GREB1: variants seen among roughly 807,000 people sequenced by gnomAD.
GREB1 encodes the protein protein GREB1.
A neutral mutation model predicts 200.7 loss-of-function variants in GREB1; 106 were observed. The ratio of observed to expected loss-of-function variants is 0.53; its 90% CI spans 0.45 to 0.62. The LOEUF is 0.62. GREB1 is among the 20% of genes least tolerant of loss of function. The probability of loss-of-function intolerance (pLI) is 0.00; values close to 1 mark genes in which losing one functional copy is unlikely to be tolerated. For missense variants in GREB1, 2,243 were observed against 2,556.8 expected (o/e 0.88, Z 2.65); for synonymous variants, 1,132 against 1,092.4 (o/e 1.04, Z -0.72).
intron 1 of GREB1, among the ~76,000 whole-genome samples, chr2:11,507,886 G>C (rs557095127): frequency 3.7e-4 from 57 of 152,274 alleles, no homozygotes; most frequent in African/African-American, 1.3e-3. Flanking sequence ...GCCTTTTCCT[G>C]AGTTATTTTA....
chr2:11,510,690 T>TTTTA (rs1673324345), intron 1 of GREB1, among the ~76,000 whole-genome samples: 1 of 3,092 alleles, frequency 3.2e-4, no homozygotes, highest in African/African-American at 3.6e-4. Context: ...ACATATGGAT[T>TTTTA]TTTTTTTTTT....
chr2:11,588,753 G>A lies in GREB1; in HGVS notation c.1167G>A (p.Gly389=), dbSNP rs929869142. The A allele has an allele frequency of 1.9e-6, 3 of 1,614,168 alleles. No individual in the cohort carries two copies. Among genetic ancestry groups the A allele is most frequent in the Non-Finnish European group, 1.7e-6 (2 of 1,179,986 alleles). ...KAKPVIFKGH[G]NFPYLCGNLN... ...GCTGCTGTTCCTCTGCAGGCCATGG[G>A]AACTTCCCTTACCTCTGTGGGAACC... is the stretch of plus-strand genomic sequence containing the variant. The change falls in exon 10 of 33, where the codon GGG becomes GGA. Residue 389 remains glycine, a synonymous_variant. Coordinates refer to ENST00000381486, the MANE Select transcript of GREB1 (RefSeq NM_014668.4).
intron 5 of GREB1, among the ~76,000 whole-genome samples, chr2:11,577,100 T>C (rs1678940612): frequency 6.6e-6 from 1 of 151,652 alleles, no homozygotes; most frequent in African/African-American, 2.4e-5. Flanking sequence ...GTGCATTACC[T>C]CCTATGGCAA....
At chr2:11,587,880 A>G (rs1680323640) in intron 9 of GREB1, 1 of 1,001,156 alleles carries the variant, frequency 1.0e-6, no homozygotes, top group East Asian at 1.0e-4. Flanking sequence ...TGGTGGAAAG[A>G]TATTTGAACC....
intron 1 of GREB1, among the ~76,000 whole-genome samples, chr2:11,513,350 A>AATCAAAGG (rs1236207716): frequency 1.3e-5 from 2 of 152,206 alleles, no homozygotes; most frequent in African/African-American, 4.8e-5. Flanking sequence ...TCAATCCCAG[A>AATCAAAGG]ATCAAAGGAT....
chr2:11,503,793 G>C (rs978179151), intron 1 of GREB1, among the ~76,000 whole-genome samples: 5 of 152,136 alleles, frequency 3.3e-5, no homozygotes, highest in African/African-American at 1.2e-4. Flanking sequence ...TAACCTTCCT[G>C]TTTATTGCAT....
chr2:11,521,468 T>C, intron 1 of GREB1, among the ~76,000 whole-genome samples: 1 of 152,190 alleles, frequency 6.6e-6, no homozygotes, highest in East Asian at 1.9e-4. Context: ...AAAATTGGCA[T>C]GTGTGAATTT....
At chr2:11,558,825 G>C (rs1267752001) in intron 2 of GREB1, among the ~76,000 whole-genome samples, 3 of 152,130 alleles carry the variant, frequency 2.0e-5, no homozygotes, top group African/African-American at 7.2e-5. Context: ...TGACCAGGGT[G>C]CTGGTATACT....
At chr2:11,507,476 G>A (rs769497548) in intron 1 of GREB1, among the ~76,000 whole-genome samples, 5 of 151,784 alleles carry the variant, frequency 3.3e-5, no homozygotes, top group Non-Finnish European at 7.4e-5. Flanking sequence ...AAGTGGCCCT[G>A]TAGTGACTGC....
rs370772266 is a variant in GREB1, at chr2:11,610,854, G to T, written c.2833G>T (p.Gly945Cys). ...CAACTCCCCGAAGCAGTGCCCCTGC[G>T]GCCACGGGCTCATGGTCCTGCTGCG... ...LLNSPKQCPC[G>C]HGLMVLLRVP... The change falls in exon 18 of 33, where the codon GGC becomes TGC. Residue 945 changes from glycine (G) to cysteine (C), a missense_variant. Gly to Cys is a radical substitution (Grantham distance 159, BLOSUM62 -3). This residue lies in a region of GREB1 where 1,178 missense variants were observed against 1,387.4 expected (regional missense o/e 0.85). Transcript: ENST00000381486. The T allele has an allele frequency of 6.2e-7, 1 of 1,613,222 alleles. No homozygotes were observed. The highest frequency in any genetic ancestry group is 2.2e-5 in the East Asian group (1 of 44,904).
At chr2:11,622,473 A>G (rs1025794415) in intron 23 of GREB1, among the ~76,000 whole-genome samples, 2 of 152,230 alleles carry the variant, frequency 1.3e-5, no homozygotes, top group African/African-American at 4.8e-5. Context: ...CATGTATTTA[A>G]TATAATCAAC....
At chr2:11,523,364 G>A (rs1453567661) in intron 1 of GREB1, among the ~76,000 whole-genome samples, 2 of 151,914 alleles carry the variant, frequency 1.3e-5, no homozygotes, top group African/African-American at 2.4e-5. Context: ...ACCTGCACAC[G>A]CACCCTAAAC....
intron 15 of GREB1, among the ~76,000 whole-genome samples, 171 bp from the exon 16 acceptor site, chr2:11,600,629 C>T (rs1572878614): frequency 6.6e-6 from 1 of 152,230 alleles, no homozygotes; most frequent in East Asian, 1.9e-4. Context: ...CCCCTGACAG[C>T]TACCTGAAGT....
chr2:11,534,669 G>A (rs928927830), intron 1 of GREB1, among the ~76,000 whole-genome samples: 1 of 152,202 alleles, frequency 6.6e-6, no homozygotes, highest in Admixed American at 6.5e-5. Flanking sequence ...TGATTGGGTT[G>A]GTTGGGAAAC....
rs1408866404 is a variant in GREB1, at chr2:11,641,483, G to GTTTTGTTTTGTT, written c.*1032_*1043dup. On this transcript the variant is annotated 3_prime_UTR_variant, in exon 33 of 33. Transcript: ENST00000381486. The stretch of plus-strand genomic sequence containing the variant: ...TGACAGAATGGTTTTGTTTTGTTTT[G>GTTTTGTTTTGTT]TTTTGTTTTGTTTTGTTTTTGAGAT... 1.3e-5 allele frequency: 2 copies of GTTTTGTTTTGTT among 152,206 alleles called. No individual in the cohort carries two copies. The highest frequency in any genetic ancestry group is 2.9e-5 in the Non-Finnish European group (2 of 68,316). The allele number at this position is 152,206 out of a possible 1,614,324, so 9.4% of individuals were successfully genotyped here.
chr2:11,620,994 G>C lies in GREB1; in HGVS notation c.4134G>C (p.Glu1378Asp), dbSNP rs1402450028. The part of the protein sequence containing the change: ...RLTEVDVYDE[E>D]EININLREES... Reference sequence around the variant, plus strand: ...CAGAAGTGGATGTCTATGACGAGGAGGAGATCAATATCAGTGAGTTATCTG... The same window carrying C: ...CAGAAGTGGATGTCTATGACGAGGACGAGATCAATATCAGTGAGTTATCTG... The change falls in exon 23 of 33, where the codon GAG (glutamate) becomes GAC (aspartate). Residue 1378 changes from glutamate (E) to aspartate (D), a missense_variant. Around this residue, in one of 3 missense-constraint regions of GREB1, gnomAD observed 587 missense variants for 553.1 expected, o/e 1.06. Transcript: ENST00000381486. The C allele has an allele frequency of 6.3e-7, 1 of 1,599,486 alleles. No homozygotes were observed.
chr2:11,617,664 C>A (rs553059117), intron 21 of GREB1, among the ~76,000 whole-genome samples: 1 of 152,128 alleles, frequency 6.6e-6, no homozygotes, highest in African/African-American at 2.4e-5. Context: ...GGCTCAGGGG[C>A]GAGACGTGCA....
chr2:11,600,668 G>C, intron 15 of GREB1, 132 bp from the exon 16 acceptor site: 2 of 734,456 alleles, frequency 2.7e-6, no homozygotes, highest in South Asian at 3.5e-5. Context: ...TCTATTCTTA[G>C]TCAGGGGCAG....
intron 1 of GREB1, among the ~76,000 whole-genome samples, chr2:11,552,348 C>T (rs1261035685): frequency 6.6e-6 from 1 of 152,216 alleles, no homozygotes; most frequent in Non-Finnish European, 1.5e-5. Context: ...CAGCAGGGAT[C>T]TAGCAAAGAG....
Sources: gnomAD v4.1 joint callset for allele counts (sites outside exome capture counted in the v4.1 genomes callset) on GRCh38, gnomAD v4.1.1 for gene constraint, gnomAD v4.1.1 regional missense constraint, MANE v1.5 for transcripts, NCBI Gene and HGNC (gene_info 2026-07-23, HGNC 2026-07-21) for gene names.